The following TRMT9B variants were observed in gnomAD, a reference collection of about 807,000 sequenced individuals.
TRMT9B encodes the protein probable tRNA methyltransferase 9B.
In TRMT9B, 16 loss-of-function variants were observed where a neutral mutation model predicts 11.5. The ratio of observed to expected loss-of-function variants is 1.39; its 90% confidence interval spans 0.94 to 2.11. The LOEUF (loss-of-function observed/expected upper bound fraction) is 2.11, where lower values mean the gene tolerates loss of function less well. Among genes scored for constraint, TRMT9B ranks in the 30% most tolerant of loss-of-function variants. TRMT9B has a pLI of 0.00. For synonymous variants in TRMT9B, 274 were observed against 192.4 expected, an observed-to-expected ratio of 1.42 and a Z score of -3.51; for missense variants, 941 against 553.8, an observed-to-expected ratio of 1.70 and a Z score of -7.02.
intron 1 of TRMT9B, among the ~76,000 whole-genome samples, chr8:12,960,722 G>A (rs1285456059): frequency 6.6e-6 from 1 of 152,178 alleles, no homozygotes; most frequent in African/African-American, 2.4e-5. Flanking sequence ...AAGCCTAAAT[G>A]CTGTGTGATT....
Position 12,993,520 on chromosome 8 carries a change from G to T in TRMT9B, c.-2+2489G>T, listed in dbSNP as rs144062580. On this transcript the variant is annotated intron_variant, in intron 2 of 4. Transcript: ENST00000524591. ...ATATATTAGAGGGGATAGATGTGGGGGGTGCAGAGACAGCAAGAGGAACAG... is the reference window on the plus strand; with the variant it reads ...ATATATTAGAGGGGATAGATGTGGGTGGTGCAGAGACAGCAAGAGGAACAG... 7.9e-5 allele frequency among the ~76,000 whole-genome samples: 12 copies of T among 152,314 alleles called. No homozygotes were observed. The East Asian group carries it at 2.1e-3, about 27-fold the overall frequency.
intron 4 of TRMT9B, among the ~76,000 whole-genome samples, chr8:13,013,186 A>G (rs1811979346): frequency 6.6e-6 from 1 of 152,064 alleles, no homozygotes; most frequent in Non-Finnish European, 1.5e-5. Context: ...AGCCAGATTA[A>G]TCCAAAGCAA....
At chr8:13,005,493 C>T (rs1346839344) in intron 2 of TRMT9B, among the ~76,000 whole-genome samples, 1 of 152,158 alleles carries the variant, frequency 6.6e-6, no homozygotes, top group Non-Finnish European at 1.5e-5. Flanking sequence ...CATTCTCCCT[C>T]ATGTGATTAT....
At chr8:12,970,524 C>T (rs1423326715) in intron 1 of TRMT9B, among the ~76,000 whole-genome samples, 3 of 152,190 alleles carry the variant, frequency 2.0e-5, no homozygotes, top group African/African-American at 7.2e-5. Context: ...GAGCAGACGC[C>T]TTCTGGGCGG....
At chr8:13,011,077 T>A (rs780286416) in intron 3 of TRMT9B, 4 of 404,832 alleles carry the variant, frequency 9.9e-6, no homozygotes, top group Non-Finnish European at 1.3e-5. Context: ...CTCCACCTCC[T>A]GAATTTAAGT....
At position 13,022,651 on chromosome 8, in the gene TRMT9B, G is replaced by T. The variant is rs924384139; in HGVS notation, c.*607G>T. ...TATAAGCAAACTTGCTTCAAAATAA[G>T]TTGACATGTGATAATAAGGTTTTCA... On this transcript the variant is annotated 3_prime_UTR_variant, in exon 5 of 5. Transcript: ENST00000524591. 6.0e-6 allele frequency: 1 copy of T among 167,116 alleles called. No individual in the cohort carries two copies. Among genetic ancestry groups the T allele is most frequent in the Admixed American group, 6.5e-5 (1 of 15,280 alleles). The allele number at this position is 167,116 out of a possible 1,614,324, so 10.4% of individuals were successfully genotyped here.
At chr8:12,972,347 C>A (rs1199674418) in intron 1 of TRMT9B, among the ~76,000 whole-genome samples, 1 of 152,154 alleles carries the variant, frequency 6.6e-6, no homozygotes, top group Non-Finnish European at 1.5e-5. Context: ...AGGAGAGTCC[C>A]TGAGGAGTTG....
chr8:12,986,006 C>A (rs1806234975), intron 1 of TRMT9B, among the ~76,000 whole-genome samples: 1 of 152,086 alleles, frequency 6.6e-6, no homozygotes, highest in African/African-American at 2.4e-5. Context: ...GGATTACAGG[C>A]AGGTGTTACC....
intron 1 of TRMT9B, among the ~76,000 whole-genome samples, chr8:12,976,977 A>G (rs1017217563): frequency 1.3e-5 from 2 of 152,180 alleles, no homozygotes; most frequent in Non-Finnish European, 2.9e-5. Context: ...ATGCCTGCTC[A>G]TGCCCCAGAT....
chr8:12,958,131 C>G (rs375471713), intron 1 of TRMT9B, among the ~76,000 whole-genome samples: 2 of 152,260 alleles, frequency 1.3e-5, no homozygotes, highest in East Asian at 3.9e-4. Flanking sequence ...ATAATATTTT[C>G]AAGGTTCATC....
intron 2 of TRMT9B, among the ~76,000 whole-genome samples, chr8:13,002,768 G>T (rs1324286887): frequency 6.6e-6 from 1 of 152,118 alleles, no homozygotes; most frequent in Non-Finnish European, 1.5e-5. Context: ...AACAATATTT[G>T]CATAGTCTCA....
At chr8:12,952,141 C>G (rs1185469194) in intron 1 of TRMT9B, 2 of 452,910 alleles carry the variant, frequency 4.4e-6, no homozygotes, top group Non-Finnish European at 8.9e-6. Context: ...TGCGGGACAG[C>G]GCTGTGACTA....
At chr8:12,999,927 C>T (rs1585288433) in intron 2 of TRMT9B, among the ~76,000 whole-genome samples, 1 of 152,040 alleles carries the variant, frequency 6.6e-6, no homozygotes, top group African/African-American at 2.4e-5. Flanking sequence ...AACTTTTAAT[C>T]TTTATGAAGA....
intron 1 of TRMT9B, among the ~76,000 whole-genome samples, chr8:12,977,271 A>G (rs889416598): frequency 5.3e-5 from 8 of 152,168 alleles, no homozygotes; most frequent in African/African-American, 1.2e-4. Context: ...AGCAGTGCCA[A>G]TCACAAGATC....
rs1261619008 is a variant in TRMT9B, at chr8:13,026,258, A to G, written c.*4214A>G. The G allele has an allele frequency of 6.0e-6, 1 of 167,138 alleles. No individual in the cohort carries two copies. The highest frequency in any genetic ancestry group is 1.9e-4 in the East Asian group (1 of 5,206). The allele number at this position is 167,138 out of a possible 1,614,324, so 10.4% of individuals were successfully genotyped here. A position where few individuals can be genotyped will look rare whatever the true frequency, so the allele number is the denominator to read the frequency against. On this transcript the variant is annotated 3_prime_UTR_variant, in exon 5 of 5. Coordinates refer to ENST00000524591, the MANE Select transcript of TRMT9B (RefSeq NM_020844.3). ...AGCTGTGAACTTTTCTAAATATGCAACATTCAACTATCGCAAGGACAAAAA... is the reference window on the plus strand; with the variant it reads ...AGCTGTGAACTTTTCTAAATATGCAGCATTCAACTATCGCAAGGACAAAAA...
At position 13,021,017 on chromosome 8, in the gene TRMT9B, A is replaced by C. The variant is rs776137849; in HGVS notation, c.338A>C (p.His113Pro). 2 of 1,543,666 alleles carry C rather than the reference A, an allele frequency of 1.3e-6. No individual in the cohort carries two copies. The highest frequency in any genetic ancestry group is 1.7e-6 in the Non-Finnish European group (2 of 1,145,644). ...GTTTTGTCTTTTTCAGTCATACATCATTTTTCTACAAAACAAAGAAGAATC... is the reference window on the plus strand; with the variant it reads ...GTTTTGTCTTTTTCAGTCATACATCCTTTTTCTACAAAACAAAGAAGAATC... ...DAIISIGVIH[H>P]FSTKQRRIRA... The change falls in exon 5 of 5, where the codon CAT (histidine) becomes CCT (proline). Residue 113 changes from histidine to proline, a missense_variant. Transcript: ENST00000524591.
At chr8:13,005,062 G>A (rs963686538) in intron 2 of TRMT9B, among the ~76,000 whole-genome samples, 1 of 150,446 alleles carries the variant, frequency 6.6e-6, no homozygotes, top group Non-Finnish European at 1.5e-5. Flanking sequence ...CTCCAGCCTG[G>A]GCGATACAGC....
At chr8:12,948,220 A>C (rs1038508987) in intron 1 of TRMT9B, among the ~76,000 whole-genome samples, 2 of 152,106 alleles carry the variant, frequency 1.3e-5, no homozygotes, top group Non-Finnish European at 2.9e-5. Context: ...AAAACCATCT[A>C]AGACAAAGCC....
At position 13,016,221 on chromosome 8, in the gene TRMT9B, A is replaced by T. The variant is rs909430776; in HGVS notation, c.328+3364A>T. Among the ~76,000 whole-genome samples, 3 of 117,388 alleles carry T rather than the reference A, an allele frequency of 2.6e-5. 1 individual carries two copies. The highest frequency in any genetic ancestry group is 1.8e-5 in the Non-Finnish European group (1 of 56,536). 77.0% of individuals were successfully genotyped at this position (117,388 alleles called of 152,430 possible). A position where few individuals can be genotyped will look rare whatever the true frequency, so the allele number is the denominator to read the frequency against. ...ATATATTTATATATATAAAATATAA[A>T]TGTGAAATATATATTATATATAAAA... On this transcript the variant is annotated intron_variant, in intron 4 of 4. Coordinates refer to ENST00000524591, the MANE Select transcript of TRMT9B (RefSeq NM_020844.3).
Sources: gnomAD v4.1 joint callset for allele counts (sites outside exome capture counted in the v4.1 genomes callset) on GRCh38, gnomAD v4.1.1 for gene constraint, MANE v1.5 for transcripts, NCBI Gene and HGNC (gene_info 2026-07-23, HGNC 2026-07-21) for gene names.